Variants in XIAP observed in about 807,000 individuals in gnomAD.
XIAP encodes X-linked inhibitor of apoptosis.
In XIAP, 3 loss-of-function variants were observed where a neutral mutation model predicts 33.1. The observed-to-expected ratio is 0.09, with a 90% confidence interval of 0.04 to 0.23. XIAP has a LOEUF of 0.23. Among genes scored for constraint, XIAP ranks in the 10% least tolerant of loss-of-function variants. XIAP has a pLI of 1.00. For synonymous variants in XIAP, 98 were observed against 121.3 expected (o/e 0.81, Z 1.26); for missense variants, 264 against 363.0 (o/e 0.73, Z 2.22).
chrX:123,885,617 T>C lies in XIAP; in HGVS notation c.-32-14T>C. 1 of 1,186,273 alleles carries C rather than the reference T, an allele frequency of 8.4e-7. No homozygotes were observed. Among genetic ancestry groups the C allele is most frequent in the Non-Finnish European group, 1.1e-6 (1 of 879,723 alleles). On this transcript the variant is annotated splice_polypyrimidine_tract_variant and intron_variant, in intron 1 of 6. Coordinates refer to ENST00000371199, the MANE Select transcript of XIAP (RefSeq NM_001167.4). ...TCACATTTTGGATTTCCTAATATAATGTTCTCTTTTTAGAAAAGGTGGACA... is the reference window on the plus strand; with the variant it reads ...TCACATTTTGGATTTCCTAATATAACGTTCTCTTTTTAGAAAAGGTGGACA...
At chrX:123,860,412 GGCCGCGCCA>G (rs1397759445) in intron 1 of XIAP, 119 bp downstream of exon 1, 2 of 289,780 alleles carry the variant, frequency 6.9e-6, no homozygotes, top group Non-Finnish European at 1.4e-5. Flanking sequence ...AGGGCGGGAA[GGCCGCGCCA>G]GCCCATCAGG....
intron 2 of XIAP, among the ~76,000 whole-genome samples, chrX:123,887,712 G>A (rs2053364625): frequency 9.0e-6 from 1 of 111,485 alleles, no homozygotes; most frequent in Non-Finnish European, 1.9e-5. Flanking sequence ...GGCCGGGCGC[G>A]GTGGCTCCCG....
At chrX:123,892,603 G>A in intron 4 of XIAP, 128 bp from the exon 5 acceptor site, 1 of 526,433 alleles carries the variant, frequency 1.9e-6, no homozygotes, top group Admixed American at 2.9e-5. Context: ...TGCCTCTTGT[G>A]AATATTCATA....
intron 1 of XIAP, among the ~76,000 whole-genome samples, chrX:123,877,107 C>A (rs1156230275): frequency 1.9e-5 from 2 of 108,104 alleles, no homozygotes; most frequent in East Asian, 2.9e-4. Flanking sequence ...GCTCTGTCAC[C>A]CAGGCTGGAG....
Position 123,886,339 on chromosome X carries a change from A to G in XIAP, c.677A>G (p.Asn226Ser), listed in dbSNP as rs2053351305. Residue 226 changes from asparagine to serine, a missense_variant, in exon 2 of 7, where the codon AAT becomes AGT. By Grantham distance (46) the Asn-to-Ser change is conservative. Coordinates refer to ENST00000371199, the MANE Select transcript of XIAP (RefSeq NM_001167.4). ...AWSEHRRHFPNCFFVLGRNLN... is the reference protein window; with the variant it reads ...AWSEHRRHFPSCFFVLGRNLN... ...TCAGAACACAGGCGACACTTTCCTA[A>G]TTGCTTCTTTGTTTTGGGCCGGAAT... 8.3e-7 allele frequency: 1 copy of G among 1,210,276 alleles called. No homozygotes were observed. Among genetic ancestry groups the G allele is most frequent in the African/African-American group, 1.7e-5 (1 of 57,221 alleles).
In XIAP at chrX:123,910,394, A is replaced by C. The variant is rs749757280; in HGVS notation, c.*3213A>C. 3.1e-6 allele frequency: 1 copy of C among 327,861 alleles called. No homozygotes were observed. Among genetic ancestry groups the C allele is most frequent in the Admixed American group, 3.1e-5 (1 of 31,870 alleles). 27.0% of individuals were successfully genotyped at this position (327,861 alleles called of 1,213,427 possible). On this transcript the variant is annotated 3_prime_UTR_variant, in exon 7 of 7. Transcript: ENST00000371199. Reference sequence around the variant, plus strand: ...TTTTTGTGTTTCCATTTTAGTGGATAAAATTTGTATTTTGAACTATGAATG... The same window carrying C: ...TTTTTGTGTTTCCATTTTAGTGGATCAAATTTGTATTTTGAACTATGAATG...
chrX:123,877,643 G>A (rs1025425344), intron 1 of XIAP, among the ~76,000 whole-genome samples: 2 of 111,837 alleles, frequency 1.8e-5, no homozygotes, highest in Non-Finnish European at 3.8e-5. Context: ...AGGTCCTCCA[G>A]TACCAAGAGA....
intron 4 of XIAP, among the ~76,000 whole-genome samples, chrX:123,892,023 AGTTTT>A (rs762401739): frequency 1.8e-5 from 2 of 111,088 alleles, no homozygotes; most frequent in Non-Finnish European, 3.8e-5. Context: ...ACTCATAAGT[AGTTTT>A]AAGTTTTTGC....
chrX:123,866,558 GAT>G (rs751931848), intron 1 of XIAP, among the ~76,000 whole-genome samples: 72 of 93,396 alleles, frequency 7.7e-4, no homozygotes, highest in Non-Finnish European at 6.1e-4. Context: ...AATAATGTAT[GAT>G]ATATATAATA....
At chrX:123,890,882 A>G (rs761662613) in intron 3 of XIAP, among the ~76,000 whole-genome samples, 2 of 106,590 alleles carry the variant, frequency 1.9e-5, no homozygotes, top group South Asian at 8.6e-4. Flanking sequence ...CTAATGTTGC[A>G]GTAAGCCAAG....
At chrX:123,880,267 C>G (rs1258448075) in intron 1 of XIAP, among the ~76,000 whole-genome samples, 2 of 106,140 alleles carry the variant, frequency 1.9e-5, no homozygotes, top group South Asian at 8.3e-4. Flanking sequence ...ACAAAATTGC[C>G]GGGTGTGGTG....
chrX:123,866,448 T>C (rs908833129), intron 1 of XIAP, among the ~76,000 whole-genome samples: 1 of 101,675 alleles, frequency 9.8e-6, no homozygotes, highest in Non-Finnish European at 2.0e-5. Flanking sequence ...TGATATATAA[T>C]ATATATGATA....
At chrX:123,865,202 C>G (rs983813698) in intron 1 of XIAP, among the ~76,000 whole-genome samples, 5 of 109,764 alleles carry the variant, frequency 4.6e-5, no homozygotes, top group African/African-American at 1.7e-4. Flanking sequence ...TATGAAGAGA[C>G]AAACAGTAGT....
intron 1 of XIAP, among the ~76,000 whole-genome samples, chrX:123,864,527 C>T (rs968933851): frequency 2.7e-4 from 24 of 89,174 alleles, no homozygotes; most frequent in African/African-American, 9.4e-4. Context: ...AGTGCAGTAG[C>T]GCGATCTTGG....
intron 6 of XIAP, among the ~76,000 whole-genome samples, chrX:123,901,985 A>C (rs891525569): frequency 1.8e-5 from 2 of 111,855 alleles, no homozygotes; most frequent in Non-Finnish European, 3.8e-5. Context: ...GGCATGTGCC[A>C]CCACGCCCGG....
chrX:123,876,737 A>G (rs1462167652), intron 1 of XIAP, among the ~76,000 whole-genome samples: 2 of 111,560 alleles, frequency 1.8e-5, no homozygotes, highest in African/African-American at 6.5e-5. Context: ...AAAAAGGAAA[A>G]TAATATGAGT....
intron 1 of XIAP, among the ~76,000 whole-genome samples, chrX:123,879,614 C>T (rs1228818104): frequency 9.2e-6 from 1 of 108,912 alleles, no homozygotes; most frequent in African/African-American, 3.3e-5. Flanking sequence ...CGCGCCTGGC[C>T]AGAAAGAGAG....
intron 5 of XIAP, among the ~76,000 whole-genome samples, chrX:123,899,223 GTATA>G (rs200916819): frequency 3.9e-5 from 2 of 50,827 alleles, no homozygotes; most frequent in East Asian, 1.6e-3. Flanking sequence ...ATATGATTTT[GTATA>G]TATATATGAT....
upstream of XIAP, chrX:123,859,770 G>T: frequency 5.1e-6 from 1 of 196,646 alleles, no homozygotes; most frequent in Non-Finnish European, 9.3e-6. Flanking sequence ...GGGCGGGGGG[G>T]TCGGGTGGGG....
Sources: allele counts gnomAD v4.1 joint callset (sites outside exome capture counted in the v4.1 genomes callset), GRCh38; gene constraint gnomAD v4.1.1; transcripts MANE v1.5; gene names NCBI Gene and HGNC (gene_info 2026-07-23, HGNC 2026-07-21).